The following GRM8 variants were observed in gnomAD, a reference collection of about 807,000 sequenced individuals.
GRM8 encodes the protein glutamate metabotropic receptor 8, also known as metabotropic glutamate receptor 8.
A neutral mutation model predicts 87.2 loss-of-function variants in GRM8; 47 were observed. That is an observed-to-expected ratio of 0.54 (90% confidence interval 0.43 to 0.69). GRM8 has a LOEUF of 0.69. GRM8 is among the 30% of genes least tolerant of loss of function. GRM8 has a pLI of 0.00. For missense variants in GRM8, 1,019 were observed against 1,139.2 expected (o/e 0.89, Z 1.52); for synonymous variants, 396 against 404.5 (o/e 0.98, Z 0.25).
At chr7:127,139,798 C>T (rs1333186195) in intron 2 of GRM8, among the ~76,000 whole-genome samples, 7 of 152,086 alleles carry the variant, frequency 4.6e-5, no homozygotes, top group East Asian at 3.9e-4. Flanking sequence ...CTCTTTCTAT[C>T]GGAAGTTATA....
chr7:126,490,241 T>C (rs1807843054), intron 9 of GRM8, among the ~76,000 whole-genome samples: 1 of 152,088 alleles, frequency 6.6e-6, no homozygotes, highest in South Asian at 2.1e-4. Flanking sequence ...ATTTCATCTT[T>C]CTCCTCTTAT....
At chr7:126,681,594 G>C (rs1193237521) in intron 7 of GRM8, among the ~76,000 whole-genome samples, 2 of 152,304 alleles carry the variant, frequency 1.3e-5, no homozygotes, top group Middle Eastern at 3.4e-3. Flanking sequence ...GAGATTTGAG[G>C]GTTCTCCTTC....
At chr7:126,747,946 T>G (rs1815897939) in intron 7 of GRM8, among the ~76,000 whole-genome samples, 1 of 152,016 alleles carries the variant, frequency 6.6e-6, no homozygotes, top group African/African-American at 2.4e-5. Context: ...TATGTATTAA[T>G]GTTCATATAT....
At chr7:127,070,827 G>C (rs1353180621) in intron 3 of GRM8, among the ~76,000 whole-genome samples, 1 of 152,108 alleles carries the variant, frequency 6.6e-6, no homozygotes, top group Non-Finnish European at 1.5e-5. Context: ...GTTAAGACTG[G>C]AACGTGTCTC....
chr7:126,443,436 G>A (rs1419451269), intron 10 of GRM8, among the ~76,000 whole-genome samples: 4 of 151,958 alleles, frequency 2.6e-5, no homozygotes, highest in African/African-American at 9.7e-5. Flanking sequence ...ATTGTAGGAT[G>A]GCCATGGAAG....
intron 3 of GRM8, among the ~76,000 whole-genome samples, chr7:127,019,894 A>G (rs944162690): frequency 3.9e-5 from 6 of 152,076 alleles, no homozygotes; most frequent in Non-Finnish European, 5.9e-5. Flanking sequence ...AGGCCTATCT[A>G]CACCACTGCA....
intron 7 of GRM8, among the ~76,000 whole-genome samples, chr7:126,709,346 C>T (rs946203285): frequency 6.6e-6 from 1 of 151,796 alleles, no homozygotes; most frequent in Non-Finnish European, 1.5e-5. Context: ...TTGTGTCAGC[C>T]CAGGAGTTTC....
intron 2 of GRM8, among the ~76,000 whole-genome samples, chr7:127,213,069 G>C (rs1447158573): frequency 6.6e-6 from 1 of 152,148 alleles, no homozygotes; most frequent in Non-Finnish European, 1.5e-5. Context: ...TTGTACCGAG[G>C]GATATGAATG....
intron 2 of GRM8, among the ~76,000 whole-genome samples, chr7:127,142,750 G>A (rs895080315): frequency 1.3e-5 from 2 of 152,030 alleles, no homozygotes; most frequent in African/African-American, 2.4e-5. Flanking sequence ...GATGGACAGC[G>A]AGACAGATTG....
At chr7:126,867,151 T>C (rs1033110749) in intron 6 of GRM8, among the ~76,000 whole-genome samples, 1 of 152,178 alleles carries the variant, frequency 6.6e-6, no homozygotes, top group Non-Finnish European at 1.5e-5. Flanking sequence ...TGTTTTCCTA[T>C]GGTTAACAGA....
At chr7:127,072,281 C>T (rs144220372) in intron 3 of GRM8, among the ~76,000 whole-genome samples, 16 of 152,326 alleles carry the variant, frequency 1.1e-4, no homozygotes, top group Admixed American at 1.0e-3. Flanking sequence ...TCTGCACAAA[C>T]TCTCCATTCA....
chr7:126,516,363 G>T (rs990963730), intron 9 of GRM8, among the ~76,000 whole-genome samples: 1 of 151,970 alleles, frequency 6.6e-6, no homozygotes, highest in Admixed American at 6.6e-5. Context: ...TTCCTCTGTA[G>T]AACTGAAAAA....
At chr7:127,138,573 G>C (rs1053161350) in intron 2 of GRM8, among the ~76,000 whole-genome samples, 14 of 152,096 alleles carry the variant, frequency 9.2e-5, no homozygotes, top group African/African-American at 3.4e-4. Flanking sequence ...ATGACTTGAG[G>C]TTTAATGGGA....
At chr7:126,898,810 G>A (rs989928366) in intron 6 of GRM8, among the ~76,000 whole-genome samples, 45 of 152,074 alleles carry the variant, frequency 3.0e-4, no homozygotes, top group Non-Finnish European at 2.8e-4. Context: ...TGTGCAGAAC[G>A]TGCAGGTTTG....
rs777128849 is a variant in GRM8 at position 126,613,574 on chromosome 7, C to T, written c.1358-4076G>A. Among the ~76,000 whole-genome samples the T allele has an allele frequency of 4.3e-4, 65 of 152,226 alleles. No homozygotes were observed. The East Asian group carries it at 4.8e-3, about 11-fold the overall frequency. ...CCACCGAGTGTGAGCCAAAGCAGGGCGAGGCATCGCCTCACCCGGAAAGTG... is the reference window on the plus strand; with the variant it reads ...CCACCGAGTGTGAGCCAAAGCAGGGTGAGGCATCGCCTCACCCGGAAAGTG... On this transcript the variant is annotated intron_variant, in intron 7 of 10. Coordinates refer to ENST00000339582, the MANE Select transcript of GRM8 (RefSeq NM_000845.3).
intron 2 of GRM8, among the ~76,000 whole-genome samples, chr7:127,136,968 G>T (rs1409363080): frequency 1.3e-5 from 2 of 151,894 alleles, no homozygotes; most frequent in Non-Finnish European, 2.9e-5. Flanking sequence ...AAGAATAATT[G>T]CATATTAGCT....
At chr7:127,244,494 C>A (rs1444272885) in intron 1 of GRM8, among the ~76,000 whole-genome samples, 2 of 145,662 alleles carry the variant, frequency 1.4e-5, no homozygotes, top group African/African-American at 5.0e-5. Flanking sequence ...AAAATGAGAA[C>A]TGACTTAACA....
At position 126,533,014 on chromosome 7, in the gene GRM8, T is replaced by C; in HGVS notation, c.2368A>G (p.Thr790Ala). 6.2e-7 allele frequency: 1 copy of C among 1,613,414 alleles called. No homozygotes were observed. The highest frequency in any genetic ancestry group is 1.1e-5 in the South Asian group (1 of 91,050). The change falls in exon 9 of 11, where the codon ACC becomes GCC. Residue 790 changes from threonine to alanine, a missense_variant. By Grantham distance (58) the Thr-to-Ala change is moderately conservative. Coordinates refer to ENST00000339582, the MANE Select transcript of GRM8 (RefSeq NM_000845.3). Reference protein sequence around the residue: ...AKPIGFTMYTTCIIWLAFIPI... With the variant: ...AKPIGFTMYTACIIWLAFIPI... ...ATGAAAGCTAACCAAATGATGCAGG[T>C]GGTATACATGGTAAATCCAATAGGT...
intron 9 of GRM8, among the ~76,000 whole-genome samples, chr7:126,527,830 T>A (rs1191132934): frequency 6.6e-6 from 1 of 152,158 alleles, no homozygotes; most frequent in Non-Finnish European, 1.5e-5. Flanking sequence ...CTCCAAATGC[T>A]CCAGATTCTT....
Sources: allele counts gnomAD v4.1 joint callset (sites outside exome capture counted in the v4.1 genomes callset), GRCh38; gene constraint gnomAD v4.1.1; transcripts MANE v1.5; gene names NCBI Gene and HGNC (gene_info 2026-07-23, HGNC 2026-07-21).